The following EVC variants were observed in gnomAD, a reference collection of about 807,000 sequenced individuals.
The protein encoded by EVC is EvC ciliary complex subunit 1.
Under a neutral mutation model 118.9 loss-of-function variants are expected in EVC, and 116 were observed. That is an observed-to-expected ratio of 0.98 (90% CI 0.84 to 1.14). EVC has a LOEUF of 1.14. Among genes scored for constraint, EVC ranks in the 50% most tolerant of loss-of-function variants. The pLI, the probability that EVC is intolerant of heterozygous loss-of-function variation, is 0.00. For synonymous variants in EVC, 619 were observed against 534.7 expected (o/e 1.16, Z -2.18); for missense variants, 1,401 against 1,246.4 (o/e 1.12, Z -1.87).
At position 5,783,799 on chromosome 4, in the gene EVC, G is replaced by A. The variant is rs751120166; in HGVS notation, c.1776+35G>A. 3.2e-6 allele frequency: 5 copies of A among 1,562,096 alleles called. No individual in the cohort carries two copies. The East Asian group carries it at 1.2e-4, about 37-fold the overall frequency. On this transcript the variant is annotated intron_variant, in intron 12 of 20. Transcript: ENST00000264956. ...TTTGGGAACCCAGGGGCTGGGGTCT[G>A]CATTTTAGAAACACACGAAGAAGCG...
chr4:5,794,285 A>C (rs1259037111), intron 13 of EVC, among the ~76,000 whole-genome samples: 1 of 139,172 alleles, frequency 7.2e-6, no homozygotes, highest in Non-Finnish European at 1.5e-5. Flanking sequence ...ATATTTATAT[A>C]TATTTTTATA....
Position 5,719,204 on chromosome 4 carries a change from G to T in EVC, c.175-44G>T. On this transcript the variant is annotated intron_variant, in intron 1 of 20. Transcript: ENST00000264956. This position sits in a 1 kb window ranked among gnomAD's most constrained non-coding sequence, Gnocchi z 4.7. ...GGGGACCAGGCCGACTGACCTCAAT[G>T]TTGTGTTTCTATCCACCCCCAACTC... The T allele has an allele frequency of 6.2e-7, 1 of 1,613,746 alleles. No homozygotes were observed. Among genetic ancestry groups the T allele is most frequent in the Non-Finnish European group, 8.5e-7 (1 of 1,179,770 alleles).
chr4:5,784,606 ATTTT>A (rs35237111), intron 12 of EVC, among the ~76,000 whole-genome samples: 4 of 111,174 alleles, frequency 3.6e-5, no homozygotes, highest in African/African-American at 7.1e-5. Context: ...ATACACATTG[ATTTT>A]TTTTTTTTTT....
At chr4:5,823,754 C>T in the EVC span, among the ~76,000 whole-genome samples, 1 of 152,208 alleles carries the variant, frequency 6.6e-6, no homozygotes, top group South Asian at 2.1e-4. Flanking sequence ...CAGACGCTGG[C>T]ACCGTGCTGC....
intron 13 of EVC, among the ~76,000 whole-genome samples, chr4:5,795,513 G>C (rs563136428): frequency 1.3e-5 from 2 of 152,288 alleles, no homozygotes; most frequent in Non-Finnish European, 2.9e-5. Flanking sequence ...TTAGCTGGGC[G>C]TGGTGGCAGG....
At chr4:5,786,387 T>C (rs1711591221) in intron 12 of EVC, among the ~76,000 whole-genome samples, 1 of 152,190 alleles carries the variant, frequency 6.6e-6, no homozygotes, top group African/African-American at 2.4e-5. Context: ...GAATGTTTTA[T>C]TTGTTTACTT....
rs1717333398 is a variant in EVC at position 5,814,220 on chromosome 4, G to A, written c.*3183G>A. 2 of 152,328 alleles carry A rather than the reference G, an allele frequency of 1.3e-5. No homozygotes were observed. The highest frequency in any genetic ancestry group is 6.5e-5 in the Admixed American group (1 of 15,292). 9.4% of individuals were successfully genotyped at this position (152,328 alleles called of 1,614,324 possible). ...CTTATTATGGGCTGTGGGCTGTTAT[G>A]GTGATGGATGGATGTGGATTTGGAA... On this transcript the variant is annotated 3_prime_UTR_variant, in exon 21 of 21. Transcript: ENST00000264956.
intron 1 of EVC, among the ~76,000 whole-genome samples, chr4:5,718,362 CTG>C (rs1366000070): frequency 6.6e-6 from 1 of 152,046 alleles, no homozygotes; most frequent in Non-Finnish European, 1.5e-5. Context: ...GACATCAGCT[CTG>C]TAACTCACAC....
At chr4:5,711,632 C>T (rs1260779574) in intron 1 of EVC, 78 bp downstream of exon 1, 1 of 1,072,414 alleles carries the variant, frequency 9.3e-7, no homozygotes, top group South Asian at 4.6e-5. Flanking sequence ...CCCGGAGCCC[C>T]GGCTCTGCGA....
intron 11 of EVC, among the ~76,000 whole-genome samples, chr4:5,782,344 G>T (rs1443313048): frequency 6.6e-6 from 1 of 151,148 alleles, no homozygotes; most frequent in Non-Finnish European, 1.5e-5. Context: ...CAAAGTGCTG[G>T]GATTACAAGC....
chr4:5,732,547 A>G (rs1443116074), intron 4 of EVC, among the ~76,000 whole-genome samples: 2 of 152,242 alleles, frequency 1.3e-5, no homozygotes, highest in Non-Finnish European at 2.9e-5. Context: ...ATGAGGGAAA[A>G]AAGGTCAAAG....
chr4:5,745,323 TGA>T lies in EVC; in HGVS notation c.922_923del (p.Glu308ThrfsTer5), dbSNP rs1729200967. 6.2e-7 allele frequency: 1 copy of T among 1,614,104 alleles called. No homozygotes were observed. Among genetic ancestry groups the T allele is most frequent in the Non-Finnish European group, 8.5e-7 (1 of 1,179,964 alleles). On this transcript the variant is annotated frameshift_variant, in exon 7 of 21. Coordinates refer to ENST00000264956, the MANE Select transcript of EVC (RefSeq NM_153717.3). LOFTEE classifies it high-confidence loss of function. ...TGGAAAAGAAGGAGAGAGAATACTC[TGA>T]ACAGCTAATCGATAATGTGCGTGCC... Reference protein sequence around the residue: ...DVEKKEREYSEQLIDNMEAFW... With the variant: ...DVEKKEREYSXQLIDNMEAFW...
chr4:5,821,556 C>A, the EVC span: 2 of 573,626 alleles, frequency 3.5e-6, no homozygotes, highest in African/African-American at 1.9e-5. The surrounding 1 kb of genome is among the most constrained non-coding windows in gnomAD (Gnocchi z 4.4). Context: ...TCAGCATGAA[C>A]ACAACTGTGG....
chr4:5,801,738 C>A, intron 15 of EVC: 1 of 507,566 alleles, frequency 2.0e-6, no homozygotes, highest in African/African-American at 2.0e-5. Flanking sequence ...CATCGCATTT[C>A]ATTGGCTCTA....
At chr4:5,809,402 C>T (rs541275420) in intron 18 of EVC, 116 bp from the exon 19 acceptor site, 9 of 882,474 alleles carry the variant, frequency 1.0e-5, no homozygotes, top group South Asian at 6.8e-5. Flanking sequence ...CTCCTCCACA[C>T]GGGAGACGTG....
chr4:5,774,064 T>G (rs1296905178), intron 11 of EVC, among the ~76,000 whole-genome samples: 1 of 151,948 alleles, frequency 6.6e-6, no homozygotes, highest in African/African-American at 2.4e-5. Flanking sequence ...CATGGTCCAG[T>G]TTGCCAGATC....
rs1229956540 is a variant in EVC, at chr4:5,731,271, G to T, written c.385-154G>T. 6.6e-6 allele frequency among the ~76,000 whole-genome samples: 1 copy of T among 151,952 alleles called. No individual in the cohort carries two copies. On this transcript the variant is annotated intron_variant, in intron 3 of 20. Coordinates refer to ENST00000264956, the MANE Select transcript of EVC (RefSeq NM_153717.3). The surrounding 1 kb of genome is among the most constrained non-coding windows in gnomAD (Gnocchi z 5.6). Reference sequence around the variant, plus strand: ...CTGTCGATGTGGCAGAACCTGGGACGGAAACTCTGTGGTGTCTGCTGGCAC... The same window carrying T: ...CTGTCGATGTGGCAGAACCTGGGACTGAAACTCTGTGGTGTCTGCTGGCAC...
At chr4:5,762,678 T>C (rs200872187) in intron 11 of EVC, among the ~76,000 whole-genome samples, 2 of 145,584 alleles carry the variant, frequency 1.4e-5, no homozygotes, top group South Asian at 2.2e-4. Context: ...TTTCATGTGT[T>C]TTTTGGCTGC....
chr4:5,728,412 T>C (rs943414898), intron 2 of EVC, among the ~76,000 whole-genome samples: 5 of 151,742 alleles, frequency 3.3e-5, no homozygotes, highest in African/African-American at 1.2e-4. Flanking sequence ...GTGATTTTTG[T>C]ACATTGATTT....
Sources: allele counts gnomAD v4.1 joint callset (sites outside exome capture counted in the v4.1 genomes callset), GRCh38; gene constraint gnomAD v4.1.1; non-coding constraint Gnocchi (gnomAD v3.1); transcripts MANE v1.5; gene names NCBI Gene and HGNC (gene_info 2026-07-23, HGNC 2026-07-21).